The following SERINC5 variants were observed in gnomAD, a reference collection of about 807,000 sequenced individuals.
The protein encoded by SERINC5 is serine incorporator 5, also known as chromosome 5 open reading frame 12.
SERINC5 carries 41 observed loss-of-function variants against 63.1 expected under a neutral mutation model. The ratio of observed to expected loss-of-function variants is 0.65; its 90% CI spans 0.51 to 0.84. SERINC5 has a LOEUF of 0.84. Ranked by LOEUF, SERINC5 falls within the 40% of genes least tolerant of loss-of-function variation. SERINC5 has a pLI of 0.00. For missense variants in SERINC5, 523 were observed against 573.0 expected, an observed-to-expected ratio of 0.91 and a Z score of 0.89; for synonymous variants, 222 against 215.2, an observed-to-expected ratio of 1.03 and a Z score of -0.28.
intron 5 of SERINC5, among the ~76,000 whole-genome samples, chr5:80,173,225 A>G (rs926400720): frequency 7.3e-6 from 1 of 137,748 alleles, no homozygotes; most frequent in East Asian, 2.2e-4. Flanking sequence ...CAGGAAGGAA[A>G]GAAGGAAGGA....
intron 1 of SERINC5, among the ~76,000 whole-genome samples, chr5:80,212,286 T>C (rs1404126177): frequency 6.6e-6 from 1 of 152,186 alleles, no homozygotes; most frequent in East Asian, 1.9e-4. Context: ...TTCCTGAGCA[T>C]GCTGGGAGGT....
At chr5:80,203,721 C>G (rs573671931) in intron 1 of SERINC5, among the ~76,000 whole-genome samples, 27 of 151,938 alleles carry the variant, frequency 1.8e-4, no homozygotes, top group Middle Eastern at 3.4e-3. Context: ...TCTGGAATTT[C>G]CTGAGTGACA....
At chr5:80,189,871 C>A (rs573173762) in intron 2 of SERINC5, among the ~76,000 whole-genome samples, 36 of 152,192 alleles carry the variant, frequency 2.4e-4, no homozygotes, top group Admixed American at 1.0e-3. Flanking sequence ...GCCAACACAT[C>A]CGCTACTTTT....
intron 1 of SERINC5, among the ~76,000 whole-genome samples, chr5:80,243,059 T>C (rs762474087): frequency 1.3e-5 from 2 of 152,332 alleles, no homozygotes; most frequent in South Asian, 2.1e-4. Context: ...TTGGCAATCC[T>C]TGTCGATCTC....
At chr5:80,154,968 A>T (rs984508481) in intron 8 of SERINC5, among the ~76,000 whole-genome samples, 1 of 152,272 alleles carries the variant, frequency 6.6e-6, no homozygotes, top group African/African-American at 2.4e-5. Context: ...AGAGCCGGGG[A>T]GAGACTATCC....
rs528168534 is a variant in SERINC5, at chr5:80,223,577, A to G, written c.28-20524T>C. On this transcript the variant is annotated intron_variant, in intron 1 of 11. Coordinates refer to ENST00000507668, the MANE Select transcript of SERINC5 (RefSeq NM_001174072.3). ...TATCACTAACTTTCTCATGGTATAC[A>G]GTAAGGATAGGCTATTCATGCTTTC... Among the ~76,000 whole-genome samples, 5 of 152,328 alleles carry G rather than the reference A, an allele frequency of 3.3e-5. No homozygotes were observed. The East Asian group carries it at 9.6e-4, about 29-fold the overall frequency.
chr5:80,232,053 G>A (rs1371400285), intron 1 of SERINC5, among the ~76,000 whole-genome samples: 1 of 143,168 alleles, frequency 7.0e-6, no homozygotes, highest in African/African-American at 2.6e-5. Context: ...AGTGAGCCAC[G>A]ACTGTGCCAC....
chr5:80,186,424 C>T (rs1748813487), intron 2 of SERINC5, among the ~76,000 whole-genome samples: 2 of 152,152 alleles, frequency 1.3e-5, no homozygotes, highest in Non-Finnish European at 2.9e-5. Context: ...AGGCGTGAGC[C>T]ACCGCGCCCG....
intron 2 of SERINC5, among the ~76,000 whole-genome samples, chr5:80,179,669 T>C (rs956221932): frequency 6.6e-6 from 1 of 152,204 alleles, no homozygotes; most frequent in Non-Finnish European, 1.5e-5. Flanking sequence ...TTGGAATATT[T>C]ACACTATATT....
At chr5:80,217,920 T>TG (rs2112530827) in intron 1 of SERINC5, among the ~76,000 whole-genome samples, 1 of 152,198 alleles carries the variant, frequency 6.6e-6, no homozygotes, top group South Asian at 2.1e-4. Flanking sequence ...CAACCATCAG[T>TG]GGAGCATCAA....
At chr5:80,127,196 G>A (rs1744777620) in intron 11 of SERINC5, among the ~76,000 whole-genome samples, 1 of 152,284 alleles carries the variant, frequency 6.6e-6, no homozygotes, top group Non-Finnish European at 1.5e-5. Flanking sequence ...TTAGAGATGT[G>A]GTTTGAGGTG....
chr5:80,164,910 G>GTTGTT (rs1747174487), intron 7 of SERINC5, among the ~76,000 whole-genome samples: 1 of 85,190 alleles, frequency 1.2e-5, no homozygotes, highest in African/African-American at 4.9e-5. Flanking sequence ...CTTTTTTTCT[G>GTTGTT]TTTTTTTTTT....
At chr5:80,192,745 C>T (rs1283710505) in intron 2 of SERINC5, among the ~76,000 whole-genome samples, 2 of 152,174 alleles carry the variant, frequency 1.3e-5, no homozygotes, top group African/African-American at 4.8e-5. Flanking sequence ...GAATACCCAA[C>T]CCCTTATGAT....
chr5:80,150,802 T>C, intron 9 of SERINC5, 80 bp downstream of exon 9: 1 of 978,986 alleles, frequency 1.0e-6, no homozygotes, highest in Non-Finnish European at 1.7e-6. Context: ...TGCAGACTGA[T>C]AAAGACACAA....
intron 2 of SERINC5, among the ~76,000 whole-genome samples, chr5:80,188,038 A>G (rs1748934870): frequency 6.6e-6 from 1 of 152,178 alleles, no homozygotes; most frequent in South Asian, 2.1e-4. Flanking sequence ...TAATCCTAGC[A>G]CTTTGGGAGG....
intron 1 of SERINC5, among the ~76,000 whole-genome samples, chr5:80,228,537 C>G (rs570029128): frequency 6.6e-6 from 1 of 152,154 alleles, no homozygotes; most frequent in East Asian, 1.9e-4. Flanking sequence ...CTCTTTGGAG[C>G]CTTGAACTCC....
chr5:80,249,623 G>T (rs533814698), intron 1 of SERINC5, among the ~76,000 whole-genome samples: 12 of 151,882 alleles, frequency 7.9e-5, no homozygotes, highest in African/African-American at 2.7e-4. Context: ...GCCAACATGG[G>T]GAAACCCCAT....
intron 1 of SERINC5, among the ~76,000 whole-genome samples, chr5:80,238,414 C>A (rs961375442): frequency 2.0e-5 from 3 of 152,150 alleles, no homozygotes; most frequent in African/African-American, 4.8e-5. Flanking sequence ...ATAACTTAAA[C>A]AACTGCTTGA....
At chr5:80,152,864 C>T (rs1263280054) in intron 8 of SERINC5, among the ~76,000 whole-genome samples, 1 of 152,200 alleles carries the variant, frequency 6.6e-6, no homozygotes, top group East Asian at 1.9e-4. Context: ...TTGCTTGACA[C>T]TCAGGAGGCA....
Sources: allele counts gnomAD v4.1 joint callset (sites outside exome capture counted in the v4.1 genomes callset), GRCh38; gene constraint gnomAD v4.1.1; transcripts MANE v1.5; gene names NCBI Gene and HGNC (gene_info 2026-07-23, HGNC 2026-07-21).